VPS13A: variants seen among roughly 807,000 people sequenced by gnomAD.
The protein encoded by VPS13A is vacuolar protein sorting 13 homolog A.
In VPS13A, 264 loss-of-function variants were observed where a neutral mutation model predicts 390.9. That is an observed-to-expected ratio of 0.68 (90% CI 0.61 to 0.75). VPS13A has a LOEUF of 0.75. VPS13A is among the 30% of genes least tolerant of loss of function. The pLI, the probability that VPS13A is intolerant of heterozygous loss-of-function variation, is 0.00. For missense variants in VPS13A, 3,409 were observed against 3,733.9 expected (o/e 0.91, Z 2.27); for synonymous variants, 1,231 against 1,227.1 (o/e 1.00, Z -0.07).
At chr9:77,299,258 A>G (rs1452925843) in intron 33 of VPS13A, among the ~76,000 whole-genome samples, 3 of 152,114 alleles carry the variant, frequency 2.0e-5, no homozygotes, top group Admixed American at 6.5e-5. Context: ...TTTTGGTTCC[A>G]TATGAAATTT....
chr9:77,402,332 C>A lies in VPS13A; in HGVS notation c.9190-904C>A, dbSNP rs199696930. Among the ~76,000 whole-genome samples, 4 of 152,284 alleles carry A rather than the reference C, an allele frequency of 2.6e-5. No individual in the cohort carries two copies. The East Asian group carries it at 7.7e-4, about 29-fold the overall frequency. Reference sequence around the variant, plus strand: ...CATCATGAAGTCACTTCTTAGCTTTCTTCTAAGCTAAATAATTTTAGTTTT... The same window carrying A: ...CATCATGAAGTCACTTCTTAGCTTTATTCTAAGCTAAATAATTTTAGTTTT... On this transcript the variant is annotated intron_variant, in intron 68 of 71. Transcript: ENST00000360280.
intron 31 of VPS13A, among the ~76,000 whole-genome samples, chr9:77,291,847 C>T (rs1255521220): frequency 6.6e-6 from 1 of 152,140 alleles, no homozygotes; most frequent in Non-Finnish European, 1.5e-5. Flanking sequence ...CCATCCTGCC[C>T]CTCCTCCTCA....
intron 31 of VPS13A, among the ~76,000 whole-genome samples, chr9:77,289,340 A>T (rs989927580): frequency 5.3e-5 from 8 of 152,118 alleles, no homozygotes; most frequent in Non-Finnish European, 1.0e-4. Flanking sequence ...CTAATTATTG[A>T]TATGATTGGA....
chr9:77,200,102 A>C, intron 2 of VPS13A, 114 bp downstream of exon 2: 1 of 1,029,914 alleles, frequency 9.7e-7, no homozygotes, highest in Non-Finnish European at 1.4e-6. Context: ...TTTTGTAAAT[A>C]ATTTTTGCAA....
intron 56 of VPS13A, 70 bp from the exon 57 acceptor site, chr9:77,358,287 C>A: frequency 7.4e-7 from 1 of 1,347,724 alleles, no homozygotes. Flanking sequence ...TTTTGTTCCT[C>A]AAATCCTGTT....
chr9:77,309,081 CAAAA>C (rs1468115451), intron 35 of VPS13A, among the ~76,000 whole-genome samples: 1 of 151,960 alleles, frequency 6.6e-6, no homozygotes, highest in East Asian at 1.9e-4. Context: ...AGTAGACAAA[CAAAA>C]AAGAAGCTCT....
At chr9:77,252,206 G>T in intron 21 of VPS13A, 29 bp from the exon 22 acceptor site, 2 of 1,529,760 alleles carry the variant, frequency 1.3e-6, no homozygotes, top group Non-Finnish European at 9.1e-7. Flanking sequence ...TTATAGTTAC[G>T]TTAAATATGA....
At chr9:77,327,326 T>C (rs1451393972) in intron 45 of VPS13A, among the ~76,000 whole-genome samples, 1 of 152,224 alleles carries the variant, frequency 6.6e-6, no homozygotes, top group Non-Finnish European at 1.5e-5. Flanking sequence ...ACAGCTGCAC[T>C]CATTACTGCT....
chr9:77,320,031 A>G (rs1829646766), intron 42 of VPS13A, among the ~76,000 whole-genome samples: 1 of 152,184 alleles, frequency 6.6e-6, no homozygotes. Flanking sequence ...TGCTTCTAAT[A>G]CAATTATGTA....
At chr9:77,228,451 T>A (rs1323640402) in intron 17 of VPS13A, among the ~76,000 whole-genome samples, 187 bp downstream of exon 17, 1 of 152,054 alleles carries the variant, frequency 6.6e-6, no homozygotes. Context: ...CACATTCCAG[T>A]GAAACATAGG....
chr9:77,318,099 A>T, intron 40 of VPS13A, 136 bp from the exon 41 acceptor site: 1 of 524,822 alleles, frequency 1.9e-6, no homozygotes, highest in South Asian at 4.7e-5. Flanking sequence ...AATTTTATAA[A>T]CAATAAATTG....
At chr9:77,411,259 T>C (rs1181881422) in intron 71 of VPS13A, among the ~76,000 whole-genome samples, 12 of 152,016 alleles carry the variant, frequency 7.9e-5, no homozygotes, top group African/African-American at 2.4e-4. Context: ...AGACACAACA[T>C]AGCAGAATCT....
chr9:77,323,048 A>G lies in VPS13A; in HGVS notation c.5831-19A>G, dbSNP rs761158699. 6.3e-7 allele frequency: 1 copy of G among 1,584,120 alleles called. No individual in the cohort carries two copies. The highest frequency in any genetic ancestry group is 1.1e-5 in the South Asian group (1 of 88,020). ...AATGAATTATAATAAAAACTTTTAA[A>G]CATACTTACTTAATTTAGCACCTGT... On this transcript the variant is annotated intron_variant, in intron 44 of 71. Transcript: ENST00000360280.
At position 77,339,899 on chromosome 9, in the gene VPS13A, T is replaced by C. The variant is rs768777423; in HGVS notation, c.6762T>C (p.Phe2254=). 1.2e-6 allele frequency: 2 copies of C among 1,610,928 alleles called. No individual in the cohort carries two copies. The highest frequency in any genetic ancestry group is 1.7e-6 in the Non-Finnish European group (2 of 1,179,862). Reference sequence around the variant, plus strand: ...TTTCTTTTCAGCCAAATCACTTTTTTAATAACAATAAGGTATGCGATGTTT... The same window carrying C: ...TTTCTTTTCAGCCAAATCACTTTTTCAATAACAATAAGGTATGCGATGTTT... ...VLFSFQPNHF[F]NNNKVQLMVT... The change falls in exon 48 of 72, where the codon TTT becomes TTC. Residue 2254 remains phenylalanine, a synonymous_variant. Coordinates refer to ENST00000360280, the MANE Select transcript of VPS13A (RefSeq NM_033305.3).
intron 13 of VPS13A, 100 bp from the exon 14 acceptor site, chr9:77,225,826 T>C: frequency 7.9e-6 from 7 of 883,612 alleles, no homozygotes; most frequent in Non-Finnish European, 1.3e-5. Context: ...CTTCCTATTA[T>C]ATCTTTTCTT....
chr9:77,378,285 A>T (rs558652302), intron 67 of VPS13A, among the ~76,000 whole-genome samples: 3 of 152,128 alleles, frequency 2.0e-5, no homozygotes, highest in Non-Finnish European at 2.9e-5. Flanking sequence ...TCTGATTCTT[A>T]CTTTTATTTC....
intron 71 of VPS13A, among the ~76,000 whole-genome samples, chr9:77,411,750 A>G (rs188931480): frequency 7.2e-5 from 11 of 151,886 alleles, no homozygotes; most frequent in Admixed American, 6.5e-4. Flanking sequence ...GACTAAGATC[A>G]GAGCAGAACT....
intron 50 of VPS13A, among the ~76,000 whole-genome samples, chr9:77,341,496 A>G (rs977789781): frequency 2.0e-5 from 3 of 151,990 alleles, no homozygotes; most frequent in African/African-American, 7.2e-5. Context: ...AATGTATTTC[A>G]TGCTTTCTGT....
At chr9:77,387,216 A>G (rs1025644208) in intron 68 of VPS13A, among the ~76,000 whole-genome samples, 4 of 152,132 alleles carry the variant, frequency 2.6e-5, no homozygotes, top group Non-Finnish European at 5.9e-5. Context: ...GCAAAAATAT[A>G]TTCTTATTTC....
Sources: allele counts gnomAD v4.1 joint callset (sites outside exome capture counted in the v4.1 genomes callset), GRCh38; gene constraint gnomAD v4.1.1; transcripts MANE v1.5; gene names NCBI Gene and HGNC (gene_info 2026-07-23, HGNC 2026-07-21).